Variants in MAP3K20 observed in about 807,000 individuals in gnomAD.
MAP3K20 encodes the protein HCCS-4.
A neutral mutation model predicts 85.7 loss-of-function variants in MAP3K20; 40 were observed. The observed-to-expected ratio is 0.47, with a 90% CI of 0.36 to 0.61. The LOEUF (loss-of-function observed/expected upper bound fraction) is 0.61, where lower values mean the gene tolerates loss of function less well. Among genes scored for constraint, MAP3K20 ranks in the 20% least tolerant of loss-of-function variants. The pLI is 0.00. For missense variants in MAP3K20, 817 were observed against 961.7 expected (o/e 0.85, Z 1.99); for synonymous variants, 325 against 327.7 (o/e 0.99, Z 0.09).
Position 173,266,259 on chromosome 2 carries a change from CCTA to C in MAP3K20, c.1915_1917del (p.Thr639del). On this transcript the variant is annotated inframe_deletion, in exon 20 of 20. Transcript: ENST00000375213. The stretch of plus-strand genomic sequence containing the variant: ...TGTGAACCAGTCCAGAAGCTCGTCT[CCTA>C]CTCAGTATGGACTGACCAAAAACTT... 1 of 1,614,092 alleles carries C rather than the reference CCTA, an allele frequency of 6.2e-7. No homozygotes were observed. The highest frequency in any genetic ancestry group is 8.5e-7 in the Non-Finnish European group (1 of 1,180,006).
chr2:173,090,924 T>A, intron 1 of MAP3K20, 74 bp from the exon 2 acceptor site: 1 of 1,460,144 alleles, frequency 6.8e-7, no homozygotes, highest in Non-Finnish European at 9.0e-7. Flanking sequence ...CATGATATAT[T>A]ATCTAAAGTA....
intron 11 of MAP3K20, chr2:173,223,765 T>C (rs950734295): frequency 2.0e-6 from 2 of 985,296 alleles, no homozygotes; most frequent in African/African-American, 1.7e-5. Flanking sequence ...TTCACACATA[T>C]GTACAAATAC....
At chr2:173,076,305 C>T (rs981630340) in intron 1 of MAP3K20, among the ~76,000 whole-genome samples, 10 of 152,026 alleles carry the variant, frequency 6.6e-5, no homozygotes, top group African/African-American at 2.4e-4. Flanking sequence ...GAGAAGTTGG[C>T]GCCTGGAGGC....
intron 9 of MAP3K20, among the ~76,000 whole-genome samples, chr2:173,206,670 C>T (rs1683696682): frequency 2.0e-5 from 3 of 152,184 alleles, no homozygotes; most frequent in Admixed American, 6.5e-5. Context: ...TTACCTGGTA[C>T]AGCTGTATTT....
At chr2:173,203,928 TCA>T in intron 9 of MAP3K20, 58 bp downstream of exon 9, 1 of 1,519,744 alleles carries the variant, frequency 6.6e-7, no homozygotes. Flanking sequence ...TGTTTGGCTT[TCA>T]GTTTTTAAAA....
chr2:173,220,275 C>T (rs1159669849), intron 11 of MAP3K20, among the ~76,000 whole-genome samples: 2 of 152,138 alleles, frequency 1.3e-5, no homozygotes, highest in Admixed American at 6.6e-5. Context: ...TATGCCCAAA[C>T]ATTTATGGGA....
chr2:173,152,494 G>A (rs1460337753), intron 2 of MAP3K20, among the ~76,000 whole-genome samples: 1 of 152,188 alleles, frequency 6.6e-6, no homozygotes, highest in Non-Finnish European at 1.5e-5. Flanking sequence ...CACTGCTTCA[G>A]TCAACAGGCA....
intron 2 of MAP3K20, among the ~76,000 whole-genome samples, chr2:173,122,575 G>A (rs1480903998): frequency 1.3e-5 from 2 of 152,124 alleles, no homozygotes; most frequent in Non-Finnish European, 2.9e-5. Context: ...AAAGGGTTAT[G>A]GGACAATACA....
At chr2:173,257,613 A>C (rs910685055) in intron 16 of MAP3K20, among the ~76,000 whole-genome samples, 52 of 152,214 alleles carry the variant, frequency 3.4e-4, no homozygotes, top group African/African-American at 1.2e-3. Context: ...AACATGATAA[A>C]GCTGCTAAGA....
intron 2 of MAP3K20, among the ~76,000 whole-genome samples, chr2:173,110,960 T>G (rs907173937): frequency 6.6e-6 from 1 of 152,238 alleles, no homozygotes; most frequent in Non-Finnish European, 1.5e-5. Context: ...GTGGGATTGC[T>G]GGATCAAATG....
At chr2:173,185,785 G>T (rs774107143) in intron 4 of MAP3K20, among the ~76,000 whole-genome samples, 85 of 152,298 alleles carry the variant, frequency 5.6e-4, no homozygotes, top group Admixed American at 2.0e-3. Context: ...TGAAATTGCT[G>T]CAAGCTAATC....
chr2:173,113,778 A>G (rs2106178036), intron 2 of MAP3K20, among the ~76,000 whole-genome samples: 1 of 151,850 alleles, frequency 6.6e-6, no homozygotes, highest in South Asian at 2.1e-4. Context: ...TTTCAGTTTT[A>G]GTTTATTGAG....
chr2:173,191,484 T>G (rs1212749026), intron 7 of MAP3K20, among the ~76,000 whole-genome samples: 1 of 152,184 alleles, frequency 6.6e-6, no homozygotes, highest in African/African-American at 2.4e-5. Flanking sequence ...AGGGTGGTAA[T>G]GTGACTGTGG....
intron 2 of MAP3K20, among the ~76,000 whole-genome samples, chr2:173,133,526 A>G (rs1688675649): frequency 6.6e-6 from 1 of 152,174 alleles, no homozygotes; most frequent in African/African-American, 2.4e-5. Flanking sequence ...GTTAAAGAGC[A>G]TACCTTCAGA....
intron 16 of MAP3K20, among the ~76,000 whole-genome samples, chr2:173,246,857 C>T (rs775713085): frequency 6.6e-6 from 1 of 152,186 alleles, no homozygotes; most frequent in Non-Finnish European, 1.5e-5. Context: ...TCTCCGAACA[C>T]GCCGGCTACC....
At chr2:173,218,527 C>T (rs1179627258) in intron 11 of MAP3K20, among the ~76,000 whole-genome samples, 2 of 152,196 alleles carry the variant, frequency 1.3e-5, no homozygotes, top group Admixed American at 6.5e-5. Flanking sequence ...AGCAGGCAGC[C>T]TCTGAAAGCC....
intron 2 of MAP3K20, among the ~76,000 whole-genome samples, chr2:173,124,739 C>A (rs1390476533): frequency 6.6e-6 from 1 of 152,198 alleles, no homozygotes; most frequent in African/African-American, 2.4e-5. Flanking sequence ...GGCAGCCAGA[C>A]TGTCAAGAGG....
chr2:173,203,215 C>T (rs959029319), intron 8 of MAP3K20, among the ~76,000 whole-genome samples: 1 of 152,166 alleles, frequency 6.6e-6, no homozygotes, highest in Non-Finnish European at 1.5e-5. Context: ...GATGTTAGAA[C>T]AGGACCATCC....
chr2:173,101,196 C>T (rs1430001092), intron 2 of MAP3K20, among the ~76,000 whole-genome samples: 2 of 152,172 alleles, frequency 1.3e-5, no homozygotes, highest in Admixed American at 1.3e-4. Context: ...AATGTAGTTA[C>T]ATTAAGACAA....
Sources: allele counts gnomAD v4.1 joint callset (sites outside exome capture counted in the v4.1 genomes callset), GRCh38; gene constraint gnomAD v4.1.1; transcripts MANE v1.5; gene names NCBI Gene and HGNC (gene_info 2026-07-23, HGNC 2026-07-21).